The following UNC5C variants were observed in gnomAD, a reference collection of about 807,000 sequenced individuals.
UNC5C encodes the protein netrin receptor UNC5C.
UNC5C carries 47 observed loss-of-function variants against 99.8 expected under a neutral mutation model. The observed-to-expected ratio is 0.47, with a 90% CI of 0.37 to 0.60. UNC5C has a LOEUF of 0.60. Ranked by LOEUF, UNC5C falls within the 20% of genes least tolerant of loss-of-function variation. UNC5C has a pLI of 0.00. For synonymous variants in UNC5C, 487 were observed against 452.2 expected (o/e 1.08, Z -0.98); for missense variants, 1,062 against 1,165.9 (o/e 0.91, Z 1.30).
chr4:95,219,055 T>C lies in UNC5C; in HGVS notation c.1559A>G (p.Gln520Arg), dbSNP rs200139331. ...LENEALSLKN[Q>R]SLARQTDPSC... ...TGGATCAGTCTGCCTTGCTAGACTCTGGTTCTTCAGGCTGAGGGCTTCATT... is the reference window on the plus strand; with the variant it reads ...TGGATCAGTCTGCCTTGCTAGACTCCGGTTCTTCAGGCTGAGGGCTTCATT... The change falls in exon 9 of 16, where the codon CAG becomes CGG. Residue 520 changes from glutamine to arginine, a missense_variant. Physicochemically the swap from Gln to Arg is conservative, Grantham distance 43. Around this residue, in one of 3 missense-constraint regions of UNC5C, gnomAD observed 810 missense variants for 854.5 expected, o/e 0.95. Coordinates refer to ENST00000453304, the MANE Select transcript of UNC5C (RefSeq NM_003728.4). 47 of 1,614,094 alleles carry C rather than the reference T, an allele frequency of 2.9e-5. No homozygotes were observed. Among genetic ancestry groups the C allele is most frequent in the Non-Finnish European group, 3.8e-5 (45 of 1,180,038 alleles).
chr4:95,367,569 A>G (rs970123686), intron 1 of UNC5C, among the ~76,000 whole-genome samples: 23 of 151,966 alleles, frequency 1.5e-4, no homozygotes, highest in African/African-American at 5.3e-4. Context: ...TAAATATTTT[A>G]TACTTACCCT....
chr4:95,441,893 G>A (rs1397139652), intron 1 of UNC5C, among the ~76,000 whole-genome samples: 1 of 152,158 alleles, frequency 6.6e-6, no homozygotes, highest in African/African-American at 2.4e-5. Flanking sequence ...TTGCTCTCAT[G>A]AAGCTAAATA....
intron 1 of UNC5C, among the ~76,000 whole-genome samples, chr4:95,510,696 A>G (rs531874011): frequency 6.6e-6 from 1 of 152,104 alleles, no homozygotes; most frequent in African/African-American, 2.4e-5. Context: ...GCAAGTTGTC[A>G]TACAGTAACT....
chr4:95,192,355 A>AC (rs1737174090), intron 12 of UNC5C, among the ~76,000 whole-genome samples: 3 of 22,172 alleles, frequency 1.4e-4, no homozygotes, highest in South Asian at 1.6e-3. Context: ...TCCCCTGCTC[A>AC]CTCCTCCCTT....
chr4:95,264,405 G>T (rs1360953962), intron 4 of UNC5C, among the ~76,000 whole-genome samples: 3 of 152,108 alleles, frequency 2.0e-5, no homozygotes, highest in African/African-American at 7.2e-5. Context: ...CACCAACAAA[G>T]TACTCAATAT....
intron 1 of UNC5C, among the ~76,000 whole-genome samples, chr4:95,406,144 G>T (rs1450741896): frequency 6.6e-6 from 1 of 152,026 alleles, no homozygotes; most frequent in African/African-American, 2.4e-5. Flanking sequence ...GGAACAAATC[G>T]ACTTTTATGC....
At chr4:95,396,614 T>C (rs72659957) in intron 1 of UNC5C, among the ~76,000 whole-genome samples, 21,861 of 152,012 alleles carry the variant, frequency 0.14, 2,169 homozygotes, top group African/African-American at 0.29. Flanking sequence ...TGAAAACTTC[T>C]ATCCCTGTCT....
chr4:95,516,357 C>A (rs933224893), intron 1 of UNC5C, among the ~76,000 whole-genome samples: 1 of 152,114 alleles, frequency 6.6e-6, no homozygotes, highest in African/African-American at 2.4e-5. Flanking sequence ...TTGACTGGGA[C>A]AGAAGGTTCT....
At chr4:95,398,192 G>A (rs1745579823) in intron 1 of UNC5C, among the ~76,000 whole-genome samples, 3 of 151,916 alleles carry the variant, frequency 2.0e-5, no homozygotes, top group African/African-American at 7.3e-5. Context: ...CCACTTACCT[G>A]ATTCATCAAA....
chr4:95,524,019 G>C (rs1280153122), intron 1 of UNC5C, among the ~76,000 whole-genome samples: 1 of 152,016 alleles, frequency 6.6e-6, no homozygotes, highest in African/African-American at 2.4e-5. Flanking sequence ...AAATTATCTT[G>C]GTCCTCTTCA....
chr4:95,176,509 G>A (rs1185209796), intron 14 of UNC5C, among the ~76,000 whole-genome samples: 1 of 152,142 alleles, frequency 6.6e-6, no homozygotes, highest in East Asian at 1.9e-4. Context: ...GCCGTGTGAG[G>A]TGTCAGTCTG....
chr4:95,270,378 AT>A (rs1278120599), intron 4 of UNC5C, among the ~76,000 whole-genome samples: 1 of 152,154 alleles, frequency 6.6e-6, no homozygotes, highest in African/African-American at 2.4e-5. Flanking sequence ...TTTAAAAAAA[AT>A]GTTGGTCTTT....
intron 1 of UNC5C, among the ~76,000 whole-genome samples, chr4:95,499,272 C>T (rs1721709228): frequency 6.6e-6 from 1 of 152,060 alleles, no homozygotes; most frequent in Non-Finnish European, 1.5e-5. Context: ...CAGACCTGGT[C>T]ACTGTCCCAT....
At chr4:95,181,364 G>A (rs551799470) in intron 14 of UNC5C, among the ~76,000 whole-genome samples, 5 of 152,280 alleles carry the variant, frequency 3.3e-5, no homozygotes, top group South Asian at 2.1e-4. Context: ...GCCCTGGCGC[G>A]GGAGAGCACA....
In UNC5C at chr4:95,220,146, T is replaced by A. The variant is rs769538762; in HGVS notation, c.1139A>T (p.Tyr380Phe). The A allele has an allele frequency of 6.2e-7, 1 of 1,613,822 alleles. No individual in the cohort carries two copies. Among genetic ancestry groups the A allele is most frequent in the East Asian group, 2.2e-5 (1 of 44,856 alleles). Residue 380 changes from tyrosine to phenylalanine, a missense_variant, in exon 8 of 16, where the codon TAT (tyrosine) becomes TTT (phenylalanine). Around this residue, in one of 3 missense-constraint regions of UNC5C, gnomAD observed 810 missense variants for 854.5 expected, o/e 0.95. Coordinates refer to ENST00000453304, the MANE Select transcript of UNC5C (RefSeq NM_003728.4). ...GATCACTGCTATCACAATCCCAACA[T>A]AGAGAGCAACATCATCTGAATCAGG... The part of the protein sequence containing the change: ...TAPDSDDVAL[Y>F]VGIVIAVIVC...
intron 12 of UNC5C, among the ~76,000 whole-genome samples, chr4:95,197,493 T>A (rs1158357549): frequency 6.6e-6 from 1 of 152,162 alleles, no homozygotes; most frequent in Non-Finnish European, 1.5e-5. Flanking sequence ...GCAGAGATCC[T>A]TTTCATCAGA....
intron 1 of UNC5C, among the ~76,000 whole-genome samples, chr4:95,466,226 A>T (rs374687409): frequency 6.6e-6 from 1 of 152,180 alleles, no homozygotes; most frequent in Admixed American, 6.5e-5. Flanking sequence ...ACATTCATAG[A>T]GTACCTACTC....
At chr4:95,349,338 T>TGTGG in intron 1 of UNC5C, among the ~76,000 whole-genome samples, 1 of 132,714 alleles carries the variant, frequency 7.5e-6, no homozygotes, top group African/African-American at 2.7e-5. Context: ...TGTGTGTGTG[T>TGTGG]GTGGGTGTGT....
At chr4:95,357,562 C>T (rs1403739004) in intron 1 of UNC5C, among the ~76,000 whole-genome samples, 2 of 152,130 alleles carry the variant, frequency 1.3e-5, no homozygotes, top group East Asian at 1.9e-4. Context: ...GCCAGAGGAT[C>T]GCTTGAGCCC....
Sources: gnomAD v4.1 joint callset for allele counts (sites outside exome capture counted in the v4.1 genomes callset) on GRCh38, gnomAD v4.1.1 for gene constraint, gnomAD v4.1.1 regional missense constraint, MANE v1.5 for transcripts, NCBI Gene and HGNC (gene_info 2026-07-23, HGNC 2026-07-21) for gene names.